Variants in GSG1L observed in about 807,000 individuals in gnomAD.
GSG1L encodes the protein germ cell-specific gene 1-like protein.
In GSG1L, 24 loss-of-function variants were observed where a neutral mutation model predicts 42.1. That is an observed-to-expected ratio of 0.57 (90% CI 0.41 to 0.80). The LOEUF is 0.80. Among genes scored for constraint, GSG1L ranks in the 30% least tolerant of loss-of-function variants. GSG1L has a pLI of 0.00. For synonymous variants in GSG1L, 215 were observed against 203.5 expected, an observed-to-expected ratio of 1.06 and a Z score of -0.48; for missense variants, 445 against 472.2, an observed-to-expected ratio of 0.94 and a Z score of 0.53.
intron 2 of GSG1L, among the ~76,000 whole-genome samples, chr16:27,892,977 CG>C (rs2084146612): frequency 6.6e-6 from 1 of 152,026 alleles, no homozygotes; most frequent in Non-Finnish European, 1.5e-5. Context: ...TGCAAGCTCG[CG>C]GAAGGACAGG....
At chr16:27,792,305 A>G (rs1053078350) in intron 6 of GSG1L, among the ~76,000 whole-genome samples, 1 of 152,092 alleles carries the variant, frequency 6.6e-6, no homozygotes, top group African/African-American at 2.4e-5. Context: ...GTGTGCCCTA[A>G]GCTGACTCTG....
intron 2 of GSG1L, among the ~76,000 whole-genome samples, chr16:27,926,854 G>A (rs1163719389): frequency 1.3e-5 from 2 of 152,238 alleles, no homozygotes; most frequent in African/African-American, 2.4e-5. Context: ...CGGGATAGAA[G>A]CATTTAATAA....
At chr16:27,857,559 T>C (rs989535521) in intron 3 of GSG1L, among the ~76,000 whole-genome samples, 4 of 151,916 alleles carry the variant, frequency 2.6e-5, no homozygotes, top group Admixed American at 1.3e-4. Flanking sequence ...CTGGGCAACA[T>C]AGGGAAACCC....
At chr16:28,053,530 C>T (rs2086242488) in intron 1 of GSG1L, among the ~76,000 whole-genome samples, 1 of 152,128 alleles carries the variant, frequency 6.6e-6, no homozygotes, top group South Asian at 2.1e-4. Context: ...CTGGATGGGG[C>T]GCAGCCACTC....
intron 2 of GSG1L, among the ~76,000 whole-genome samples, chr16:27,906,402 C>G (rs1423109356): frequency 6.6e-6 from 1 of 152,176 alleles, no homozygotes; most frequent in Non-Finnish European, 1.5e-5. Context: ...TCCCCAGGCT[C>G]CCTTGCTGTG....
At position 27,790,044 on chromosome 16, in the gene GSG1L, G is replaced by A. The variant is rs996826274; in HGVS notation, c.*1326C>T. Reference sequence around the variant, plus strand: ...ATGATGGATAGCTGATGAATGAGTGGATGGATGGCAAATGGATGGATGAAT... The same window carrying A: ...ATGATGGATAGCTGATGAATGAGTGAATGGATGGCAAATGGATGGATGAAT... On this transcript the variant is annotated 3_prime_UTR_variant, in exon 7 of 7. Transcript: ENST00000447459. 14 of 151,842 alleles carry A rather than the reference G, an allele frequency of 9.2e-5. No individual in the cohort carries two copies. The highest frequency in any genetic ancestry group is 2.9e-4 in the African/African-American group (12 of 41,302). The allele number at this position is 151,842 out of a possible 1,614,324, so 9.4% of individuals were successfully genotyped here.
At position 27,884,337 on chromosome 16, in the gene GSG1L, G is replaced by T; in HGVS notation, c.550+149C>A. The T allele has an allele frequency of 1.4e-6, 1 of 694,182 alleles. No individual in the cohort carries two copies. The allele number at this position is 694,182 out of a possible 1,614,324, so 43.0% of individuals were successfully genotyped here. A position where few individuals can be genotyped will look rare whatever the true frequency, so the allele number is the denominator to read the frequency against. On this transcript the variant is annotated intron_variant, in intron 3 of 6. Transcript: ENST00000447459. The surrounding 1 kb of genome is among the most constrained non-coding windows in gnomAD (Gnocchi z 4.4). ...ATTAGATGCTCAGTCAATATGCATT[G>T]GTCATTTTTTACAAACGATAAAACT...
chr16:27,971,805 G>A (rs1055477801), intron 1 of GSG1L, among the ~76,000 whole-genome samples: 1 of 152,058 alleles, frequency 6.6e-6, no homozygotes, highest in African/African-American at 2.4e-5. Context: ...CCTCTGTCAG[G>A]TTGGGGAAGT....
At chr16:27,916,486 C>CTTTT (rs35176989) in intron 2 of GSG1L, among the ~76,000 whole-genome samples, 1 of 114,856 alleles carries the variant, frequency 8.7e-6, no homozygotes, top group African/African-American at 3.1e-5. Flanking sequence ...ATTTTTAATC[C>CTTTT]TTTTTTTTTT....
At chr16:27,926,328 G>A (rs1012024654) in intron 2 of GSG1L, among the ~76,000 whole-genome samples, 9 of 152,250 alleles carry the variant, frequency 5.9e-5, no homozygotes, top group African/African-American at 9.6e-5. Context: ...GGTCCCTGCC[G>A]TTGCAAAACT....
At chr16:27,892,391 G>A (rs1230912196) in intron 2 of GSG1L, among the ~76,000 whole-genome samples, 3 of 152,010 alleles carry the variant, frequency 2.0e-5, no homozygotes, top group Admixed American at 6.5e-5. Context: ...AGGAGGTTGC[G>A]GCTGCAATTA....
chr16:27,970,722 G>C (rs1400006580), intron 1 of GSG1L, among the ~76,000 whole-genome samples: 3 of 151,936 alleles, frequency 2.0e-5, no homozygotes, highest in African/African-American at 4.8e-5. Context: ...CCTAAGAAGG[G>C]TGTGCCTAGC....
At chr16:28,008,619 C>G (rs205368) in intron 1 of GSG1L, among the ~76,000 whole-genome samples, 17,174 of 152,182 alleles carry the variant, frequency 0.11, 1,269 homozygotes, top group Admixed American at 0.23. Context: ...TAGAAAAGTA[C>G]GTCAGATTGC....
intron 1 of GSG1L, among the ~76,000 whole-genome samples, chr16:28,046,700 C>T (rs776622399): frequency 1.2e-4 from 19 of 152,116 alleles, no homozygotes; most frequent in Admixed American, 2.6e-4. Context: ...CCCGCATCAC[C>T]GCTCCCTGGC....
intron 3 of GSG1L, among the ~76,000 whole-genome samples, chr16:27,856,803 G>A (rs764591128): frequency 6.6e-6 from 1 of 152,242 alleles, no homozygotes; most frequent in Non-Finnish European, 1.5e-5. Flanking sequence ...ATGTGGCAAT[G>A]GTCACAGGAG....
intron 3 of GSG1L, among the ~76,000 whole-genome samples, chr16:27,855,046 A>G (rs2083559772): frequency 1.3e-5 from 2 of 152,166 alleles, no homozygotes; most frequent in South Asian, 4.1e-4. Flanking sequence ...TGGGTGACAG[A>G]GCAAGACCTC....
chr16:28,010,246 G>T (rs773946603), intron 1 of GSG1L, among the ~76,000 whole-genome samples: 97 of 152,166 alleles, frequency 6.4e-4, no homozygotes, highest in Non-Finnish European at 1.3e-3. Context: ...AGAGGGATTT[G>T]TCTCTATGGA....
intron 1 of GSG1L, among the ~76,000 whole-genome samples, chr16:27,985,833 C>CA (rs1170133480): frequency 6.6e-6 from 1 of 151,720 alleles, no homozygotes; most frequent in East Asian, 1.9e-4. Flanking sequence ...AACTCTGTCT[C>CA]AAAAAAAACA....
intron 2 of GSG1L, among the ~76,000 whole-genome samples, chr16:27,929,627 G>GGAT (rs1448030019): frequency 1.3e-5 from 2 of 152,186 alleles, no homozygotes; most frequent in Admixed American, 1.3e-4. Context: ...CATGCCTGAA[G>GGAT]GATGATTTCA....
Sources: gnomAD v4.1 joint callset for allele counts (sites outside exome capture counted in the v4.1 genomes callset) on GRCh38, gnomAD v4.1.1 for gene constraint, Gnocchi (gnomAD v3.1) non-coding constraint, MANE v1.5 for transcripts, NCBI Gene and HGNC (gene_info 2026-07-23, HGNC 2026-07-21) for gene names.